ST18: variants seen among roughly 807,000 people sequenced by gnomAD.
ST18 encodes ST18 C2H2C-type zinc finger transcription factor, also known as suppression of tumorigenicity 18 protein.
In ST18, 50 loss-of-function variants were observed where a neutral mutation model predicts 110.0. The observed-to-expected ratio is 0.45, with a 90% CI of 0.36 to 0.58. The LOEUF (loss-of-function observed/expected upper bound fraction) is 0.58. ST18 is among the 20% of genes least tolerant of loss of function. ST18 has a pLI of 0.00. For missense variants in ST18, 1,306 were observed against 1,280.1 expected (o/e 1.02, Z -0.31); for synonymous variants, 461 against 452.4 (o/e 1.02, Z -0.24).
chr8:52,327,611 A>C (rs941216913), intron 2 of ST18, among the ~76,000 whole-genome samples: 1 of 152,104 alleles, frequency 6.6e-6, no homozygotes, highest in African/African-American at 2.4e-5. Context: ...TTTTTTCTCC[A>C]TATTGTTTTA....
chr8:52,315,345 A>G (rs1195219222), intron 2 of ST18, among the ~76,000 whole-genome samples: 1 of 152,194 alleles, frequency 6.6e-6, no homozygotes, highest in African/African-American at 2.4e-5. Flanking sequence ...ACAGCCCCTC[A>G]TTGACCCATC....
intron 2 of ST18, among the ~76,000 whole-genome samples, chr8:52,379,523 T>C (rs925246411): frequency 6.6e-6 from 1 of 152,122 alleles, no homozygotes; most frequent in African/African-American, 2.4e-5. Flanking sequence ...CAGATTTTTT[T>C]CAACATATAT....
In ST18 at chr8:52,111,188, G is replaced by T. The variant is rs1274610943; in HGVS notation, c.*2010C>A. 2.6e-6 allele frequency: 1 copy of T among 382,766 alleles called. No homozygotes were observed. Among genetic ancestry groups the T allele is most frequent in the South Asian group, 1.5e-4 (1 of 6,856 alleles). The allele number at this position is 382,766 out of a possible 1,614,324, so 23.7% of individuals were successfully genotyped here. On this transcript the variant is annotated 3_prime_UTR_variant, in exon 26 of 26. Coordinates refer to ENST00000689386, the MANE Select transcript of ST18 (RefSeq NM_001352837.2). ...GCAAATTATAGTAATAAATATGTAGGTTGGTAAGAGATTTCTTTTAAATTA... is the reference window on the plus strand; with the variant it reads ...GCAAATTATAGTAATAAATATGTAGTTTGGTAAGAGATTTCTTTTAAATTA...
intron 2 of ST18, among the ~76,000 whole-genome samples, chr8:52,233,301 G>A (rs1268519065): frequency 1.3e-5 from 2 of 152,080 alleles, no homozygotes; most frequent in Admixed American, 1.3e-4. Context: ...ATCTATTTCT[G>A]TTGCATAAAT....
intron 16 of ST18, among the ~76,000 whole-genome samples, chr8:52,145,368 C>T (rs940201811): frequency 1.1e-4 from 16 of 152,138 alleles, no homozygotes; most frequent in Admixed American, 8.5e-4. Context: ...TTATTGCATA[C>T]GACCTTTTAA....
At chr8:52,391,821 A>G (rs543230234) in intron 2 of ST18, among the ~76,000 whole-genome samples, 1 of 152,328 alleles carries the variant, frequency 6.6e-6, no homozygotes, top group Non-Finnish European at 1.5e-5. Context: ...ATTTGACCCA[A>G]GGAACCCTGG....
At chr8:52,354,973 C>T (rs1408266100) in intron 2 of ST18, among the ~76,000 whole-genome samples, 2 of 152,162 alleles carry the variant, frequency 1.3e-5, no homozygotes, top group African/African-American at 4.8e-5. Flanking sequence ...AGAATTACAC[C>T]TTCATAAAAG....
chr8:52,182,625 C>A (rs553005838), intron 8 of ST18, among the ~76,000 whole-genome samples: 1 of 151,820 alleles, frequency 6.6e-6, no homozygotes, highest in South Asian at 2.1e-4. Context: ...TGGTGGTTGC[C>A]GGGGGATGAG....
intron 8 of ST18, among the ~76,000 whole-genome samples, chr8:52,182,946 G>A (rs982021148): frequency 6.6e-5 from 10 of 152,112 alleles, no homozygotes; most frequent in Admixed American, 6.5e-4. Context: ...GTGATGAATG[G>A]GCCTGAACTC....
intron 2 of ST18, among the ~76,000 whole-genome samples, chr8:52,338,469 A>G (rs1004797396): frequency 6.6e-6 from 1 of 152,116 alleles, no homozygotes; most frequent in Non-Finnish European, 1.5e-5. Context: ...ATCCCTCAGT[A>G]TCCAAGGTAG....
intron 2 of ST18, among the ~76,000 whole-genome samples, chr8:52,375,561 C>T (rs1243096809): frequency 6.6e-6 from 1 of 152,176 alleles, no homozygotes; most frequent in African/African-American, 2.4e-5. Context: ...TCTCAATTCC[C>T]TTCACTGGTT....
At chr8:52,284,621 C>G (rs2095438464) in intron 2 of ST18, among the ~76,000 whole-genome samples, 1 of 152,064 alleles carries the variant, frequency 6.6e-6, no homozygotes, top group Admixed American at 6.5e-5. Flanking sequence ...GCAGTGTCCT[C>G]TGGGAACACC....
chr8:52,330,136 G>A (rs530647824), intron 2 of ST18, among the ~76,000 whole-genome samples: 10 of 152,242 alleles, frequency 6.6e-5, no homozygotes, highest in African/African-American at 1.9e-4. Flanking sequence ...ATTTTACACC[G>A]TTTTCTTTAT....
chr8:52,211,665 G>T (rs2082221806), intron 8 of ST18, among the ~76,000 whole-genome samples: 1 of 151,906 alleles, frequency 6.6e-6, no homozygotes, highest in Admixed American at 6.6e-5. Flanking sequence ...CCTCAGCCTG[G>T]AATCATCTAA....
chr8:52,113,404 G>A (rs2041151857), intron 25 of ST18, 66 bp from the exon 26 acceptor site: 3 of 1,580,600 alleles, frequency 1.9e-6, no homozygotes, highest in Non-Finnish European at 2.6e-6. Flanking sequence ...GAAGGACCCA[G>A]TGACATCGAA....
At chr8:52,356,979 C>A (rs117361332) in intron 2 of ST18, among the ~76,000 whole-genome samples, 265 of 152,172 alleles carry the variant, frequency 1.7e-3, no homozygotes, top group Non-Finnish European at 3.2e-3. Flanking sequence ...AGGCTGAATA[C>A]CTGGGTGATG....
intron 2 of ST18, among the ~76,000 whole-genome samples, chr8:52,390,544 C>T (rs919318686): frequency 1.8e-4 from 28 of 152,118 alleles, no homozygotes; most frequent in African/African-American, 5.1e-4. Flanking sequence ...GAAATATGTC[C>T]GATTCCGACA....
chr8:52,185,654 G>A (rs958759516), intron 8 of ST18, among the ~76,000 whole-genome samples: 1 of 152,144 alleles, frequency 6.6e-6, no homozygotes, highest in Non-Finnish European at 1.5e-5. Context: ...GTCAACTGAT[G>A]ACAAAGGCAT....
chr8:52,380,523 T>C (rs548010018), intron 2 of ST18, among the ~76,000 whole-genome samples: 28 of 152,230 alleles, frequency 1.8e-4, no homozygotes, highest in African/African-American at 4.6e-4. Context: ...CAATGTTGCA[T>C]TGATCCACAG....
Sources: allele counts gnomAD v4.1 joint callset (sites outside exome capture counted in the v4.1 genomes callset), GRCh38; gene constraint gnomAD v4.1.1; transcripts MANE v1.5; gene names NCBI Gene and HGNC (gene_info 2026-07-23, HGNC 2026-07-21).